The following TSPEAR variants were observed in gnomAD, a reference collection of about 807,000 sequenced individuals.
The protein encoded by TSPEAR is thrombospondin type laminin G domain and EAR repeats, also known as thrombospondin-type laminin G domain and EAR repeat-containing protein.
TSPEAR carries 69 observed loss-of-function variants against 71.6 expected under a neutral mutation model. The observed-to-expected ratio is 0.96, with a 90% CI of 0.79 to 1.18. The LOEUF is 1.18. Ranked by LOEUF, TSPEAR falls within the 50% of genes most tolerant of loss-of-function variation. TSPEAR has a pLI of 0.00. For missense variants in TSPEAR, 971 were observed against 894.9 expected, an observed-to-expected ratio of 1.09 and a Z score of -1.09; for synonymous variants, 402 against 387.2, an observed-to-expected ratio of 1.04 and a Z score of -0.45.
intron 1 of TSPEAR, among the ~76,000 whole-genome samples, chr21:44,704,050 T>G (rs1459796253): frequency 6.6e-6 from 1 of 152,184 alleles, no homozygotes; most frequent in Non-Finnish European, 1.5e-5. Context: ...CTGGAGAGTG[T>G]GGGGCAGATG....
chr21:44,688,600 G>C (rs1555949258), intron 1 of TSPEAR, among the ~76,000 whole-genome samples: 1 of 152,064 alleles, frequency 6.6e-6, no homozygotes, highest in Admixed American at 6.5e-5. Flanking sequence ...GGCGCCTGTA[G>C]TCCCAGCTAG....
chr21:44,503,917 C>T lies in TSPEAR; in HGVS notation c.1856+863G>A, dbSNP rs587704904. On this transcript the variant is annotated intron_variant, in intron 11 of 11. Transcript: ENST00000323084. The stretch of plus-strand genomic sequence containing the variant: ...AGCAATGTGCTGGGAGGAAGCTGGC[C>T]TCGGTGAGCCCTCGGCGGGAAGCAA... 8.4e-5 allele frequency among the ~76,000 whole-genome samples: 12 copies of T among 143,232 alleles called. No individual in the cohort carries two copies. In the East Asian group the frequency reaches 2.5e-3, roughly 30 times the overall value. 94.0% of individuals were successfully genotyped at this position (143,232 alleles called of 152,430 possible).
rs2052929967 is a variant in TSPEAR, at chr21:44,529,787, C to T, written c.790+11G>A. On this transcript the variant is annotated intron_variant, in intron 5 of 11. Coordinates refer to ENST00000323084, the MANE Select transcript of TSPEAR (RefSeq NM_144991.3). ...GCCTTTGGTGTGGGGGCGGGTGGCC[C>T]CCCTACTAACCATAGGGATATTTTA... is the stretch of plus-strand genomic sequence containing the variant. The T allele has an allele frequency of 3.1e-6, 5 of 1,613,472 alleles. No homozygotes were observed. Among genetic ancestry groups the T allele is most frequent in the Non-Finnish European group, 4.2e-6 (5 of 1,179,804 alleles).
In TSPEAR at chr21:44,676,098, C is replaced by T. The variant is rs956701455; in HGVS notation, c.82+35335G>A. 1.4e-5 allele frequency: 12 copies of T among 871,684 alleles called. No homozygotes were observed. In the East Asian group the frequency reaches 1.4e-4, roughly 10 times the overall value. 54.0% of individuals were successfully genotyped at this position (871,684 alleles called of 1,614,324 possible). A position where few individuals can be genotyped will look rare whatever the true frequency, so the allele number is the denominator to read the frequency against. On this transcript the variant is annotated intron_variant, in intron 1 of 11. Transcript: ENST00000323084. ...AGTAATTTAAACGTGTTTATATCTT[C>T]AGATCAGAGCTCTGCAGCTTCAGTT...
chr21:44,545,048 G>A (rs1166745866), intron 2 of TSPEAR, among the ~76,000 whole-genome samples: 20 of 151,476 alleles, frequency 1.3e-4, no homozygotes, highest in Non-Finnish European at 1.9e-4. Flanking sequence ...GGCCAGGCGC[G>A]GTGGCTCACG....
At chr21:44,653,702 T>C (rs985403844) in intron 1 of TSPEAR, among the ~76,000 whole-genome samples, 9 of 152,210 alleles carry the variant, frequency 5.9e-5, no homozygotes, top group African/African-American at 2.2e-4. Flanking sequence ...TAGTGATTTG[T>C]CCTCAATCTC....
intron 9 of TSPEAR, among the ~76,000 whole-genome samples, chr21:44,513,380 A>C (rs1328429368): frequency 1.3e-5 from 2 of 152,126 alleles, no homozygotes; most frequent in Non-Finnish European, 2.9e-5. Flanking sequence ...CTGTCAGGCC[A>C]CTCCCAGATT....
At chr21:44,592,771 G>A (rs1040629033) in intron 1 of TSPEAR, among the ~76,000 whole-genome samples, 1 of 152,158 alleles carries the variant, frequency 6.6e-6, no homozygotes, top group African/African-American at 2.4e-5. Context: ...AGAGCCACAG[G>A]TCGCGGCATC....
At chr21:44,574,964 A>C (rs7276273) in intron 1 of TSPEAR, 35,600 of 1,607,314 alleles carry the variant, frequency 0.022, 1,946 homozygotes, top group African/African-American at 0.22. Flanking sequence ...CCCTCCTCTG[A>C]CGCCCCGTGT....
At chr21:44,523,062 GTAGT>G (rs1417493763) in intron 8 of TSPEAR, among the ~76,000 whole-genome samples, 22 of 151,766 alleles carry the variant, frequency 1.4e-4, no homozygotes, top group South Asian at 4.2e-4. Flanking sequence ...AGTCAGCCAG[GTAGT>G]TAGTCAGTTA....
chr21:44,660,716 C>G (rs587665431), intron 1 of TSPEAR, among the ~76,000 whole-genome samples: 1 of 152,300 alleles, frequency 6.6e-6, no homozygotes, highest in African/African-American at 2.4e-5. Flanking sequence ...TCTGTAATCC[C>G]AGCACTTTGG....
chr21:44,707,168 G>A (rs1392349634), intron 1 of TSPEAR, among the ~76,000 whole-genome samples: 1 of 152,230 alleles, frequency 6.6e-6, no homozygotes, highest in Non-Finnish European at 1.5e-5. Context: ...CACTGGACGC[G>A]GATTTGGGAT....
intron 1 of TSPEAR, among the ~76,000 whole-genome samples, chr21:44,615,104 T>C (rs1239414357): frequency 5.3e-5 from 8 of 152,170 alleles, no homozygotes; most frequent in South Asian, 2.1e-4. Flanking sequence ...TATCCTACCA[T>C]GTGAGAGGCC....
chr21:44,551,647 C>G, intron 2 of TSPEAR: 1 of 813,898 alleles, frequency 1.2e-6, no homozygotes. Context: ...CCGGGAGGAC[C>G]CTCATTATTT....
intron 1 of TSPEAR, among the ~76,000 whole-genome samples, chr21:44,703,194 C>G (rs564049484): frequency 1.3e-5 from 2 of 152,348 alleles, no homozygotes; most frequent in East Asian, 3.9e-4. Flanking sequence ...CATTCTTTCT[C>G]GGGCCCTCTA....
At chr21:44,514,377 T>C (rs1322174487) in intron 9 of TSPEAR, among the ~76,000 whole-genome samples, 1 of 152,030 alleles carries the variant, frequency 6.6e-6, no homozygotes, top group Non-Finnish European at 1.5e-5. Context: ...CACACACGTG[T>C]GCATGAGTGT....
At chr21:44,622,030 C>T (rs1555933584) in intron 1 of TSPEAR, among the ~76,000 whole-genome samples, 1 of 152,156 alleles carries the variant, frequency 6.6e-6, no homozygotes, top group Non-Finnish European at 1.5e-5. Context: ...CATGGAACCC[C>T]ATGGTGCTTA....
chr21:44,559,246 C>T (rs782057097), intron 2 of TSPEAR, among the ~76,000 whole-genome samples: 13 of 152,168 alleles, frequency 8.5e-5, no homozygotes, highest in South Asian at 6.2e-4. Context: ...CCTGGCCACA[C>T]GGCGAGATCC....
At chr21:44,509,679 C>T in intron 9 of TSPEAR, 1 of 367,804 alleles carries the variant, frequency 2.7e-6, no homozygotes, top group Admixed American at 4.3e-5. Context: ...GCCCGCTGTG[C>T]TCCAGGTGCC....
Sources: gnomAD v4.1 joint callset for allele counts (sites outside exome capture counted in the v4.1 genomes callset) on GRCh38, gnomAD v4.1.1 for gene constraint, MANE v1.5 for transcripts, NCBI Gene and HGNC (gene_info 2026-07-23, HGNC 2026-07-21) for gene names.